The following UGT1A9 variants were observed in gnomAD, a reference collection of about 807,000 sequenced individuals.
UGT1A9 encodes the protein UDP-glucuronosyltransferase 1A9.
Under a neutral mutation model 45.0 loss-of-function variants are expected in UGT1A9, and 35 were observed. The ratio of observed to expected loss-of-function variants is 0.78; its 90% CI spans 0.59 to 1.03. UGT1A9 has a LOEUF of 1.03. UGT1A9 is among the 50% of genes least tolerant of loss of function. The probability of loss-of-function intolerance (pLI) is 0.00; values close to 1 mark genes in which losing one functional copy is unlikely to be tolerated. For missense variants in UGT1A9, 687 were observed against 666.6 expected (o/e 1.03, Z -0.34); for synonymous variants, 278 against 250.6 (o/e 1.11, Z -1.03).
In UGT1A9 at chr2:233,690,756, GACATACACACACACACACATAC is replaced by G. The variant is rs2075007528; in HGVS notation, c.855+17971_855+17992del. The G allele has an allele frequency of 2.1e-5, 23 of 1,106,914 alleles. No individual in the cohort carries two copies. The South Asian group carries it at 3.4e-4, about 16-fold the overall frequency. 68.6% of individuals were successfully genotyped at this position (1,106,914 alleles called of 1,614,324 possible). A position where few individuals can be genotyped will look rare whatever the true frequency, so the allele number is the denominator to read the frequency against. On this transcript the variant is annotated intron_variant, in intron 1 of 4. Coordinates refer to ENST00000354728, the MANE Select transcript of UGT1A9 (RefSeq NM_021027.3). Reference sequence around the variant, plus strand: ...ATTCCTCTGGCTAGTGTCCAGTGCAGACATACACACACACACACATACACACACACACACACACACACACCAT... The same window carrying G: ...ATTCCTCTGGCTAGTGTCCAGTGCAGACACACACACACACACACACACCAT...
chr2:233,679,085 T>C (rs77349740), intron 1 of UGT1A9, among the ~76,000 whole-genome samples: 3,806 of 152,324 alleles, frequency 0.025, 77 homozygotes, highest in Non-Finnish European at 0.035. Flanking sequence ...ACCTTTTCCA[T>C]AGAAAACTGT....
At chr2:233,687,146 A>G (rs550767147) in intron 1 of UGT1A9, among the ~76,000 whole-genome samples, 1 of 152,336 alleles carries the variant, frequency 6.6e-6, no homozygotes, top group East Asian at 1.9e-4. Context: ...AAATATGATA[A>G]TACATGCAGA....
At position 233,693,834 on chromosome 2, in the gene UGT1A9, T is replaced by C. The variant is rs758818897; in HGVS notation, c.855+21045T>C. 6 of 1,614,210 alleles carry C rather than the reference T, an allele frequency of 3.7e-6. No homozygotes were observed. The South Asian group carries it at 5.5e-5, about 15-fold the overall frequency. Reference sequence around the variant, plus strand: ...CCCAACATGGTCTTCATTGGAGGTATCAACTGTAAGAAGAGGAAAGACTTG... The same window carrying C: ...CCCAACATGGTCTTCATTGGAGGTACCAACTGTAAGAAGAGGAAAGACTTG... On this transcript the variant is annotated intron_variant, in intron 1 of 4. Coordinates refer to ENST00000354728, the MANE Select transcript of UGT1A9 (RefSeq NM_021027.3).
At chr2:233,682,254 T>A in intron 1 of UGT1A9, 2 of 1,614,188 alleles carry the variant, frequency 1.2e-6, no homozygotes, top group South Asian at 1.1e-5. Flanking sequence ...CGAAGTGCAT[T>A]TTCTCTATTA....
At chr2:233,691,463 C>T (rs1253004006) in intron 1 of UGT1A9, 30 of 985,668 alleles carry the variant, frequency 3.0e-5, no homozygotes, top group Non-Finnish European at 3.6e-5. Flanking sequence ...GGCCCCAGAA[C>T]ACCTCCGGTG....
chr2:233,679,187 T>C (rs1239958133), intron 1 of UGT1A9, among the ~76,000 whole-genome samples: 3 of 152,200 alleles, frequency 2.0e-5, no homozygotes, highest in Admixed American at 6.5e-5. Context: ...TTTTGACACC[T>C]TCAGTGTTGA....
rs917335869 is a variant in UGT1A9, at chr2:233,769,898, A to C, written c.1295+1459A>C. 2.9e-6 allele frequency: 1 copy of C among 349,938 alleles called. No individual in the cohort carries two copies. Among genetic ancestry groups the C allele is most frequent in the Non-Finnish European group, 5.1e-6 (1 of 194,280 alleles). The allele number at this position is 349,938 out of a possible 1,614,324, so 21.7% of individuals were successfully genotyped here. Reference sequence around the variant, plus strand: ...AATGAAAAGTCCACATAACCTGAGCATCATGTGCCCAGAGCGTTGGGTGGT... The same window carrying C: ...AATGAAAAGTCCACATAACCTGAGCCTCATGTGCCCAGAGCGTTGGGTGGT... On this transcript the variant is annotated intron_variant, in intron 4 of 4. Transcript: ENST00000354728. The surrounding 1 kb of genome is among the most constrained non-coding windows in gnomAD (Gnocchi z 4.4).
At chr2:233,704,157 C>G (rs772376683) in intron 1 of UGT1A9, among the ~76,000 whole-genome samples, 50 of 151,974 alleles carry the variant, frequency 3.3e-4, no homozygotes, top group Non-Finnish European at 5.0e-4. Flanking sequence ...TTTCAAAGTA[C>G]TGGGATTACA....
intron 1 of UGT1A9, among the ~76,000 whole-genome samples, chr2:233,679,226 G>T (rs1406428659): frequency 2.6e-5 from 4 of 152,180 alleles, no homozygotes; most frequent in Non-Finnish European, 4.4e-5. Context: ...GCTAGGGAAT[G>T]GTCCAATATC....
chr2:233,758,819 C>G (rs577329711), intron 1 of UGT1A9, among the ~76,000 whole-genome samples: 1 of 152,190 alleles, frequency 6.6e-6, no homozygotes, highest in African/African-American at 2.4e-5. Flanking sequence ...AGCAGTATAT[C>G]CCCCCCAAAA....
chr2:233,772,410 C>A lies in UGT1A9; in HGVS notation c.1444C>A (p.Gln482Lys). ...CGCAGCCCACGACCTCACCTGGTAC[C>A]AGTACCATTCCTTGGACGTGATTGG... Reference protein sequence around the residue: ...RPAAHDLTWYQYHSLDVIGFL... With the variant: ...RPAAHDLTWYKYHSLDVIGFL... Residue 482 changes from glutamine to lysine, a missense_variant, in exon 5 of 5, where the codon CAG becomes AAG. Coordinates refer to ENST00000354728, the MANE Select transcript of UGT1A9 (RefSeq NM_021027.3). 1 of 1,614,220 alleles carries A rather than the reference C, an allele frequency of 6.2e-7. No homozygotes were observed. The highest frequency in any genetic ancestry group is 8.5e-7 in the Non-Finnish European group (1 of 1,180,040).
At position 233,772,474 on chromosome 2, in the gene UGT1A9, C is replaced by G; in HGVS notation, c.1508C>G (p.Thr503Ser). The G allele has an allele frequency of 6.2e-7, 1 of 1,614,104 alleles. No individual in the cohort carries two copies. Among genetic ancestry groups the G allele is most frequent in the Non-Finnish European group, 8.5e-7 (1 of 1,180,024 alleles). Residue 503 changes from threonine (T) to serine (S), a missense_variant, in exon 5 of 5, where the codon ACC (threonine) becomes AGC (serine). By Grantham distance (58) the Thr-to-Ser change is moderately conservative. Transcript: ENST00000354728. ...GTCGTGCTGACAGTGGCCTTCATCA[C>G]CTTTAAATGTTGTGCTTATGGCTAC... is the stretch of plus-strand genomic sequence containing the variant. The part of the protein sequence containing the change: ...LAVVLTVAFI[T>S]FKCCAYGYRK...
intron 1 of UGT1A9, chr2:233,729,148 C>A: frequency 6.2e-7 from 1 of 1,613,474 alleles, no homozygotes; most frequent in Non-Finnish European, 8.5e-7. Flanking sequence ...ACTCCAGGTT[C>A]CCCTGCCGTG....
In UGT1A9 at chr2:233,672,265, G is replaced by A. The variant is rs377398548; in HGVS notation, c.331G>A (p.Gly111Ser). 5 of 1,613,982 alleles carry A rather than the reference G, an allele frequency of 3.1e-6. No homozygotes were observed. Among genetic ancestry groups the A allele is most frequent in the Non-Finnish European group, 4.2e-6 (5 of 1,179,992 alleles). ...QVRSIYSLLM[G>S]SYNDIFDLFF... ...ACGAAGTATATATTCTCTATTAATG[G>A]GTTCATACAATGACATTTTTGACTT... is the stretch of plus-strand genomic sequence containing the variant. Residue 111 changes from glycine to serine, a missense_variant, in exon 1 of 5, where the codon GGT becomes AGT. Coordinates refer to ENST00000354728, the MANE Select transcript of UGT1A9 (RefSeq NM_021027.3).
intron 1 of UGT1A9, among the ~76,000 whole-genome samples, chr2:233,697,387 A>T (rs2075388301): frequency 6.6e-6 from 1 of 152,000 alleles, no homozygotes; most frequent in Non-Finnish European, 1.5e-5. Context: ...ATAATCGCTA[A>T]TGATCCTTTG....
Position 233,769,482 on chromosome 2 carries a change from T to A in UGT1A9, c.1295+1043T>A. On this transcript the variant is annotated intron_variant, in intron 4 of 4. Coordinates refer to ENST00000354728, the MANE Select transcript of UGT1A9 (RefSeq NM_021027.3). The surrounding 1 kb of genome is among the most constrained non-coding windows in gnomAD (Gnocchi z 4.4). Reference sequence around the variant, plus strand: ...TCATATGCGTGTGTGTGTGTGTGCGTGTGTTTATGAGAGTGTCCATTGCTT... The same window carrying A: ...TCATATGCGTGTGTGTGTGTGTGCGAGTGTTTATGAGAGTGTCCATTGCTT... The A allele has an allele frequency of 6.2e-7, 1 of 1,611,750 alleles. No homozygotes were observed.
chr2:233,731,397 T>A (rs2078153818), intron 1 of UGT1A9, among the ~76,000 whole-genome samples: 1 of 152,046 alleles, frequency 6.6e-6, no homozygotes, highest in South Asian at 2.1e-4. Context: ...CAACTCGTCA[T>A]TTACATTAGG....
chr2:233,710,097 A>G (rs530644848), intron 1 of UGT1A9, among the ~76,000 whole-genome samples: 1 of 152,334 alleles, frequency 6.6e-6, no homozygotes, highest in South Asian at 2.1e-4. Flanking sequence ...TGCATGTATC[A>G]ATATTTCATT....
intron 1 of UGT1A9, chr2:233,713,795 G>C: frequency 6.2e-7 from 1 of 1,614,030 alleles, no homozygotes; most frequent in East Asian, 2.2e-5. Flanking sequence ...ACCCCAGGCC[G>C]ATCATGCCCA....
Sources: gnomAD v4.1 joint callset for allele counts (sites outside exome capture counted in the v4.1 genomes callset) on GRCh38, gnomAD v4.1.1 for gene constraint, Gnocchi (gnomAD v3.1) non-coding constraint, MANE v1.5 for transcripts, NCBI Gene and HGNC (gene_info 2026-07-23, HGNC 2026-07-21) for gene names.